Variants in TAS2R10 observed in about 807,000 individuals in gnomAD.
TAS2R10 encodes taste 2 receptor member 10.
For synonymous variants in TAS2R10, 144 were observed against 126.6 expected (o/e 1.14, Z -0.92); for missense variants, 385 against 362.0 (o/e 1.06, Z -0.52).
chr12:10,825,592 C>A, exon 1 of TAS2R10: 1 of 1,613,708 alleles, frequency 6.2e-7, no homozygotes, highest in Non-Finnish European at 8.5e-7. Flanking sequence ...TCAAAACTTT[C>A]ATTGCCTTCA....
chr12:10,825,781 A>G (rs751284694), exon 1 of TAS2R10: 14 of 1,613,244 alleles, frequency 8.7e-6, no homozygotes, highest in Non-Finnish European at 1.0e-5. Flanking sequence ...ACATGTTGAG[A>G]TCCCAGACTG....
exon 1 of TAS2R10, chr12:10,826,127 G>T: frequency 6.2e-7 from 1 of 1,613,380 alleles, no homozygotes; most frequent in Non-Finnish European, 8.5e-7. Flanking sequence ...AGCTAAGCCG[G>T]TGAGAATAAA....
At chr12:10,825,757 GT>G in the TAS2R10 span, 1 of 1,613,106 alleles carries the variant, frequency 6.2e-7, no homozygotes, top group Non-Finnish European at 8.5e-7. Context: ...GTTTAATAAA[GT>G]ATTCACTTTT....
exon 1 of TAS2R10, chr12:10,826,057 A>G (rs773170696): frequency 1.2e-6 from 2 of 1,613,154 alleles, no homozygotes; most frequent in Non-Finnish European, 1.7e-6. Flanking sequence ...ATATATTTGG[A>G]GAGAATATCT....
chr12:10,825,276 A>G (rs1565420014), downstream of TAS2R10: 15 of 1,198,286 alleles, frequency 1.3e-5, no homozygotes, highest in Non-Finnish European at 1.6e-5. Flanking sequence ...AATGCAGTGC[A>G]ATGAAACAGA....
exon 1 of TAS2R10, chr12:10,825,410 G>C (rs567864255): frequency 6.2e-7 from 1 of 1,613,430 alleles, no homozygotes; most frequent in East Asian, 2.2e-5. Context: ...CCTCAAAGAG[G>C]CTTGCTTTAG....
At chr12:10,825,604 A>G (rs1437834291) in exon 1 of TAS2R10, 5 of 1,613,668 alleles carry the variant, frequency 3.1e-6, no homozygotes, top group South Asian at 1.1e-5. Context: ...TTGCCTTCAC[A>G]TGAGCTTCTG....
chr12:10,826,125 C>A, exon 1 of TAS2R10: 4 of 1,613,352 alleles, frequency 2.5e-6, no homozygotes, highest in Non-Finnish European at 3.4e-6. Context: ...ATAGCTAAGC[C>A]GGTGAGAATA....
At chr12:10,825,985 A>G (rs960462160) in exon 1 of TAS2R10, 4 of 1,613,582 alleles carry the variant, frequency 2.5e-6, no homozygotes, top group East Asian at 4.5e-5. Context: ...CAAACCACAT[A>G]CTTGATTGAT....
At chr12:10,826,172 A>G in exon 1 of TAS2R10, 1 of 1,613,496 alleles carries the variant, frequency 6.2e-7, no homozygotes, top group Non-Finnish European at 8.5e-7. Flanking sequence ...GGCACAGTCA[A>G]TGCAGTTTAC....
At chr12:10,826,031 A>G (rs1025945348) in exon 1 of TAS2R10, 1 of 1,613,202 alleles carries the variant, frequency 6.2e-7, no homozygotes, top group African/African-American at 1.3e-5. Context: ...ATATTCAATT[A>G]GGTTACCGGA....
At chr12:10,825,426 T>C (rs1275762629) in exon 1 of TAS2R10, 2 of 1,613,674 alleles carry the variant, frequency 1.2e-6, no homozygotes, top group Admixed American at 1.7e-5. Context: ...TTTAGCTTGC[T>C]GTTTCCTAGA....
exon 1 of TAS2R10, chr12:10,825,650 A>G (rs1456550645): frequency 1.2e-6 from 2 of 1,613,746 alleles, no homozygotes; most frequent in South Asian, 2.2e-5. Context: ...ATTCGATTGC[A>G]TCTGCCTGTT....
rs756609061 is a variant in TAS2R10, at chr12:10,826,217, A to G, written c.53T>C (p.Val18Ala). Residue 18 changes from valine (V) to alanine (A), a missense_variant, in exon 1 of 1, where the codon GTG becomes GCG. Coordinates refer to ENST00000240619, the Ensembl canonical transcript of TAS2R10. Reference sequence around the variant, plus strand: ...AAATCCATTCCCCAAAACCCCAAACACTGACTCACTAACTACAACAAAAAT... The same window carrying G: ...AAATCCATTCCCCAAAACCCCAAACGCTGACTCACTAACTACAACAAAAAT... 5.6e-6 allele frequency: 9 copies of G among 1,612,908 alleles called. 2 individuals carry two copies. In the South Asian group the frequency reaches 7.7e-5, roughly 14 times the overall value.
At chr12:10,825,867 A>T in exon 1 of TAS2R10, 1 of 1,613,148 alleles carries the variant, frequency 6.2e-7, no homozygotes, top group Non-Finnish European at 8.5e-7. Flanking sequence ...ATAAGTAAGA[A>T]TACTATCATG....
exon 1 of TAS2R10, chr12:10,825,876 T>C: frequency 6.2e-7 from 1 of 1,613,330 alleles, no homozygotes; most frequent in Non-Finnish European, 8.5e-7. Flanking sequence ...AATACTATCA[T>C]GAAGGGAAGA....
rs376857610 is a variant in TAS2R10, at chr12:10,826,144, C to T, written c.126G>A (p.Thr42=). The change falls in exon 1 of 1, where the codon ACG becomes ACA. Residue 42 remains threonine, a synonymous_variant. Transcript: ENST00000240619. ...CTAAGCCGGTGAGAATAAAGCCAAT[C>T]GTAGATAACTTATTCTTGGCACAGT... 1,509 of 1,613,376 alleles carry T rather than the reference C, an allele frequency of 9.4e-4. 22 individuals carry two copies. The South Asian group carries it at 0.015, about 16-fold the overall frequency.
chr12:10,825,826 C>CGCAATGCAT, exon 1 of TAS2R10: 1 of 1,612,462 alleles, frequency 6.2e-7, no homozygotes, highest in Non-Finnish European at 8.5e-7. Context: ...TAAGAATCTT[C>CGCAATGCAT]GCAATGTATG....
At chr12:10,825,707 A>G in exon 1 of TAS2R10, 1 of 1,613,486 alleles carries the variant, frequency 6.2e-7, no homozygotes, top group Admixed American at 1.7e-5. Flanking sequence ...AATTAGGGAT[A>G]GTGTAAAGAA....
Sources: allele counts gnomAD v4.1 joint callset, GRCh38; gene constraint gnomAD v4.1.1; transcripts MANE v1.5; gene names NCBI Gene and HGNC (gene_info 2026-07-23, HGNC 2026-07-21).